Variants in KDM4C observed in about 807,000 individuals in gnomAD.
KDM4C encodes lysine-specific demethylase 4C.
A neutral mutation model predicts 129.3 loss-of-function variants in KDM4C; 81 were observed. That is an observed-to-expected ratio of 0.63 (90% CI 0.52 to 0.75). The LOEUF (loss-of-function observed/expected upper bound fraction) is 0.75. KDM4C is among the 30% of genes least tolerant of loss of function. The probability of loss-of-function intolerance (pLI) is 0.00; values close to 1 mark genes in which losing one functional copy is unlikely to be tolerated. For synonymous variants in KDM4C, 573 were observed against 456.1 expected, an observed-to-expected ratio of 1.26 and a Z score of -3.26; for missense variants, 1,457 against 1,304.0, an observed-to-expected ratio of 1.12 and a Z score of -1.81.
intron 13 of KDM4C, among the ~76,000 whole-genome samples, chr9:7,012,112 A>C (rs1388465406): frequency 6.6e-6 from 1 of 152,208 alleles, no homozygotes; most frequent in African/African-American, 2.4e-5. Context: ...TCTGTTGCCC[A>C]GGCTGAAGTG....
At chr9:6,904,482 A>C (rs1401540556) in intron 8 of KDM4C, among the ~76,000 whole-genome samples, 1 of 151,888 alleles carries the variant, frequency 6.6e-6, no homozygotes, top group Non-Finnish European at 1.5e-5. Context: ...CTTGTTAACA[A>C]ATCAGAATGT....
At chr9:6,919,593 A>ATCTATCTG (rs1190070114) in intron 8 of KDM4C, among the ~76,000 whole-genome samples, 1 of 148,938 alleles carries the variant, frequency 6.7e-6, no homozygotes, top group Non-Finnish European at 1.5e-5. Context: ...CTATCTATCT[A>ATCTATCTG]GGATGGAGTT....
chr9:7,152,280 G>A (rs556095597), intron 19 of KDM4C, among the ~76,000 whole-genome samples: 232 of 152,306 alleles, frequency 1.5e-3, no homozygotes, highest in African/African-American at 5.1e-3. Flanking sequence ...AAATTGCAGT[G>A]ACCTAAATAT....
intron 12 of KDM4C, among the ~76,000 whole-genome samples, chr9:6,995,227 G>T (rs1009266864): frequency 1.3e-5 from 2 of 151,794 alleles, no homozygotes; most frequent in African/African-American, 4.8e-5. Flanking sequence ...TTCAGGAGAA[G>T]TCACTAGTGA....
At chr9:7,150,303 G>C (rs751823705) in intron 19 of KDM4C, among the ~76,000 whole-genome samples, 6 of 152,172 alleles carry the variant, frequency 3.9e-5, no homozygotes, top group Non-Finnish European at 8.8e-5. Flanking sequence ...TTGTGTGCAG[G>C]GTGGCTTAAC....
At chr9:7,132,528 A>G (rs1490867945) in intron 19 of KDM4C, among the ~76,000 whole-genome samples, 1 of 152,232 alleles carries the variant, frequency 6.6e-6, no homozygotes, top group East Asian at 1.9e-4. Flanking sequence ...CAGCCCAGTT[A>G]AACTCCACAT....
At chr9:6,725,801 C>A (rs1255384380) in intron 1 of KDM4C, among the ~76,000 whole-genome samples, 4 of 150,826 alleles carry the variant, frequency 2.7e-5, no homozygotes, top group African/African-American at 9.8e-5. Context: ...CCTCCACCTC[C>A]GTGGTTCAAG....
At chr9:7,118,590 G>A (rs1011730904) in intron 18 of KDM4C, among the ~76,000 whole-genome samples, 5 of 152,202 alleles carry the variant, frequency 3.3e-5, no homozygotes, top group East Asian at 1.9e-4. Flanking sequence ...TATTTCACAG[G>A]TTATTAATTC....
At position 6,944,138 on chromosome 9, in the gene KDM4C, T is replaced by A. The variant is rs146354475; in HGVS notation, c.922-36787T>A. Among the ~76,000 whole-genome samples, 1,239 of 152,330 alleles carry A rather than the reference T, an allele frequency of 8.1e-3. 10 individuals carry two copies. The highest frequency in any genetic ancestry group is 0.027 in the African/African-American group (1,120 of 41,580). On this transcript the variant is annotated intron_variant, in intron 8 of 21. Transcript: ENST00000381309. ...TATGTGTTGGGTTAGGAAATCCTCTTAAATGAAATTAAATTATCTGCAAGC... is the reference window on the plus strand; with the variant it reads ...TATGTGTTGGGTTAGGAAATCCTCTAAAATGAAATTAAATTATCTGCAAGC...
intron 17 of KDM4C, among the ~76,000 whole-genome samples, chr9:7,049,787 A>G (rs1281034136): frequency 6.6e-6 from 1 of 152,040 alleles, no homozygotes; most frequent in Admixed American, 6.6e-5. Context: ...ATAGGCCTTT[A>G]TTGTCTTTAA....
At chr9:6,772,839 C>CACACTACTACACCT (rs1822172486) in intron 1 of KDM4C, among the ~76,000 whole-genome samples, 1 of 149,616 alleles carries the variant, frequency 6.7e-6, no homozygotes. Context: ...ATTACAGGTG[C>CACACTACTACACCT]GTGCCACCCC....
At chr9:7,102,309 CTTTTTT>C (rs34614459) in intron 17 of KDM4C, among the ~76,000 whole-genome samples, 338 of 89,988 alleles carry the variant, frequency 3.8e-3, no homozygotes, top group African/African-American at 9.7e-3. Flanking sequence ...ATGGTTTTCC[CTTTTTT>C]TTTTTTTTTT....
chr9:7,094,140 C>G (rs1836132970), intron 17 of KDM4C, among the ~76,000 whole-genome samples: 1 of 152,208 alleles, frequency 6.6e-6, no homozygotes, highest in Admixed American at 6.5e-5. Flanking sequence ...GTTCTAATCA[C>G]AAATAGATCA....
At chr9:6,721,064 G>C in intron 1 of KDM4C, 2 of 1,372,552 alleles carry the variant, frequency 1.5e-6, no homozygotes, top group Non-Finnish European at 2.0e-6. Context: ...CACACTTAAA[G>C]CAATGTTAAT....
intron 17 of KDM4C, among the ~76,000 whole-genome samples, chr9:7,096,954 C>T (rs1354570625): frequency 6.6e-6 from 1 of 152,186 alleles, no homozygotes; most frequent in Non-Finnish European, 1.5e-5. Flanking sequence ...CAAGGCCTTT[C>T]AGGATCCCAC....
intron 1 of KDM4C, among the ~76,000 whole-genome samples, chr9:6,749,216 G>C (rs969477885): frequency 6.6e-6 from 1 of 151,972 alleles, no homozygotes; most frequent in South Asian, 2.1e-4. Flanking sequence ...ATGGGGTTTC[G>C]CCATATTTGC....
Position 6,932,931 on chromosome 9 carries a change from A to G in KDM4C, c.921+39699A>G, listed in dbSNP as rs150499216. Among the ~76,000 whole-genome samples, 977 of 152,326 alleles carry G rather than the reference A, an allele frequency of 6.4e-3. 4 individuals are homozygous for G. Among genetic ancestry groups the G allele is most frequent in the Middle Eastern group, 0.01 (3 of 294 alleles). ...CTCTGCACTACTGCACTTTGTAACC[A>G]TCTTTCATGCATTAAGTTTTCCTCT... On this transcript the variant is annotated intron_variant, in intron 8 of 21. Transcript: ENST00000381309.
intron 8 of KDM4C, among the ~76,000 whole-genome samples, chr9:6,912,633 G>A (rs372022974): frequency 1.3e-5 from 2 of 152,192 alleles, no homozygotes; most frequent in South Asian, 4.1e-4. Flanking sequence ...GGGAGAGAGA[G>A]AATTTATATA....
chr9:6,919,223 C>CTTCTTTTCTTTCTTTCT (rs1554643689), intron 8 of KDM4C, among the ~76,000 whole-genome samples: 24 of 109,036 alleles, frequency 2.2e-4, no homozygotes, highest in East Asian at 4.7e-4. Context: ...TTTCTTTTTC[C>CTTCTTTTCTTTCTTTCT]TTCTTTCTTT....
Sources: gnomAD v4.1 joint callset for allele counts (sites outside exome capture counted in the v4.1 genomes callset) on GRCh38, gnomAD v4.1.1 for gene constraint, MANE v1.5 for transcripts, NCBI Gene and HGNC (gene_info 2026-07-23, HGNC 2026-07-21) for gene names.